ERBIN: variants seen among roughly 807,000 people sequenced by gnomAD.
ERBIN encodes densin-180-like protein.
A neutral mutation model predicts 158.4 loss-of-function variants in ERBIN; 60 were observed. That is an observed-to-expected ratio of 0.38 (90% confidence interval 0.31 to 0.47). The LOEUF is 0.47. Among genes scored for constraint, ERBIN ranks in the 20% least tolerant of loss-of-function variants. The pLI is 0.99. For synonymous variants in ERBIN, 594 were observed against 557.2 expected, an observed-to-expected ratio of 1.07 and a Z score of -0.93; for missense variants, 1,610 against 1,648.0, an observed-to-expected ratio of 0.98 and a Z score of 0.40.
intron 1 of ERBIN, among the ~76,000 whole-genome samples, chr5:65,964,593 C>CTG (rs1240007806): frequency 6.6e-5 from 10 of 152,140 alleles, no homozygotes; most frequent in Non-Finnish European, 1.3e-4. Flanking sequence ...CAAACATGGG[C>CTG]TGTGTATAAT....
At chr5:66,016,362 A>G (rs1561376583) in intron 7 of ERBIN, among the ~76,000 whole-genome samples, 2 of 152,164 alleles carry the variant, frequency 1.3e-5, no homozygotes. Context: ...ACTGATTTTA[A>G]CACCTTTTAG....
At chr5:66,068,340 A>AT (rs1270391899) in intron 21 of ERBIN, among the ~76,000 whole-genome samples, 3 of 151,424 alleles carry the variant, frequency 2.0e-5, no homozygotes, top group African/African-American at 4.9e-5. Context: ...AAAAAAAAAA[A>AT]TTTTTGAAGT....
chr5:66,049,840 A>G (rs1456301007), intron 19 of ERBIN, among the ~76,000 whole-genome samples: 2 of 152,120 alleles, frequency 1.3e-5, no homozygotes, highest in African/African-American at 2.4e-5. Flanking sequence ...TATACTACCT[A>G]TTATAGAATA....
chr5:66,047,457 A>G (rs975001170), intron 18 of ERBIN, among the ~76,000 whole-genome samples: 11 of 151,666 alleles, frequency 7.3e-5, no homozygotes, highest in African/African-American at 2.2e-4. Flanking sequence ...TTTTGTGTGG[A>G]TATATATTTT....
chr5:66,012,160 G>C, intron 5 of ERBIN, 33 bp downstream of exon 5: 1 of 1,405,958 alleles, frequency 7.1e-7, no homozygotes, highest in Non-Finnish European at 9.8e-7. Context: ...AATTACTTTT[G>C]TGAATAAAAC....
chr5:65,935,292 A>C (rs762679842), intron 1 of ERBIN, among the ~76,000 whole-genome samples: 15 of 152,168 alleles, frequency 9.9e-5, no homozygotes, highest in Admixed American at 2.0e-4. Context: ...TAAATCGAGG[A>C]GCATCTGCAT....
intron 4 of ERBIN, among the ~76,000 whole-genome samples, chr5:66,004,195 C>G (rs1431754327): frequency 2.0e-5 from 3 of 151,382 alleles, no homozygotes; most frequent in Non-Finnish European, 4.4e-5. Flanking sequence ...CTCCGAATAC[C>G]TTGGCCTCCC....
At chr5:66,000,547 C>G (rs934532640) in intron 4 of ERBIN, among the ~76,000 whole-genome samples, 1 of 152,066 alleles carries the variant, frequency 6.6e-6, no homozygotes, top group Non-Finnish European at 1.5e-5. Context: ...TTTATGTGAT[C>G]AAAAGATTTA....
rs116458506 is a variant in ERBIN, at chr5:66,028,169, G to A, written c.1137-105G>A. ...CGATTTTTTTTTCTCCTATTTTCAT[G>A]TGCAACTATATAGCATTTTTCAGAA... On this transcript the variant is annotated intron_variant, in intron 13 of 25. Transcript: ENST00000284037. 1,412 of 651,750 alleles carry A rather than the reference G, an allele frequency of 2.2e-3. 16 individuals are homozygous for A. The African/African-American group carries it at 0.024, about 11-fold the overall frequency. 40.4% of individuals were successfully genotyped at this position (651,750 alleles called of 1,614,324 possible).
intron 22 of ERBIN, among the ~76,000 whole-genome samples, chr5:66,074,649 G>T (rs1189899190): frequency 6.6e-6 from 1 of 152,060 alleles, no homozygotes; most frequent in Non-Finnish European, 1.5e-5. Context: ...TCATAGACTG[G>T]CTTAAATTTT....
At position 66,040,627 on chromosome 5, in the gene ERBIN, A is replaced by T. The variant is rs71632553; in HGVS notation, c.1306+2145A>T. 6.3e-3 allele frequency among the ~76,000 whole-genome samples: 953 copies of T among 152,088 alleles called. 10 individuals are homozygous for T. The highest frequency in any genetic ancestry group is 0.015 in the Admixed American group (225 of 15,262). On this transcript the variant is annotated intron_variant, in intron 15 of 25. Transcript: ENST00000284037. ...AAGGTGAATGAATTTCCTTTCACCT[A>T]TAAGAAAGGCTTTTGTCTTTATCCC...
At chr5:65,999,070 A>G (rs1401408385) in intron 4 of ERBIN, among the ~76,000 whole-genome samples, 1 of 152,028 alleles carries the variant, frequency 6.6e-6, no homozygotes, top group Non-Finnish European at 1.5e-5. Flanking sequence ...ATCATTGCTT[A>G]TATAAAATGT....
intron 15 of ERBIN, among the ~76,000 whole-genome samples, chr5:66,042,654 A>G (rs10073846): frequency 0.058 from 8,762 of 152,114 alleles, 882 homozygotes; most frequent in African/African-American, 0.2. Context: ...AATTTCCATT[A>G]TTTTTACATT....
In ERBIN at chr5:66,054,775, C is replaced by T. The variant is rs369314970; in HGVS notation, c.3457C>T (p.Pro1153Ser). 29 of 1,614,022 alleles carry T rather than the reference C, an allele frequency of 1.8e-5. No individual in the cohort carries two copies. The highest frequency in any genetic ancestry group is 2.5e-5 in the Non-Finnish European group (29 of 1,179,976). Residue 1153 changes from proline to serine, a missense_variant, in exon 21 of 26, where the codon CCA becomes TCA. By Grantham distance (74) the Pro-to-Ser change is moderately conservative (BLOSUM62 -1). Around this residue, in one of 2 missense-constraint regions of ERBIN, gnomAD observed 1,014 missense variants for 936.1 expected, o/e 1.08. Transcript: ENST00000284037. ...TGCTCGACCCTCTATTAATGAAATA[C>T]CAGAGAGAACTATGTCAGTTAGTGA... ...QSARPSINEI[P>S]ERTMSVSDFN...
At position 66,012,032 on chromosome 5, in the gene ERBIN, CGTT is replaced by C. The variant is rs1561370864; in HGVS notation, c.308-13_308-11del. 6.7e-7 allele frequency: 1 copy of C among 1,493,696 alleles called. No homozygotes were observed. The allele number at this position is 1,493,696 out of a possible 1,614,324, so 92.5% of individuals were successfully genotyped here. The stretch of plus-strand genomic sequence containing the variant: ...TTTGTAATAGATCTTTTAATTTGAT[CGTT>C]GTTTGTTTTCTAGGAATACAGGAGT... On this transcript the variant is annotated splice_polypyrimidine_tract_variant and intron_variant, in intron 4 of 25. Coordinates refer to ENST00000284037, the MANE Select transcript of ERBIN (RefSeq NM_001253697.2).
chr5:65,932,098 G>A (rs777428442), intron 1 of ERBIN, among the ~76,000 whole-genome samples: 2 of 151,892 alleles, frequency 1.3e-5, no homozygotes, highest in Admixed American at 6.6e-5. Flanking sequence ...GATTACAGGC[G>A]TGAGCCACCG....
chr5:66,044,375 T>G, intron 17 of ERBIN, 65 bp downstream of exon 17: 1 of 1,429,862 alleles, frequency 7.0e-7, no homozygotes, highest in South Asian at 1.4e-5. Context: ...TGACAGTTGA[T>G]ATAGTGCCCC....
chr5:65,998,882 A>AAG (rs1752723998), intron 4 of ERBIN, among the ~76,000 whole-genome samples: 1 of 135,742 alleles, frequency 7.4e-6, no homozygotes, highest in Non-Finnish European at 1.6e-5. Context: ...AAAATAGAGC[A>AAG]AGACCCTGTC....
At chr5:66,013,705 G>C in intron 6 of ERBIN, 67 bp downstream of exon 6, 1 of 1,013,976 alleles carries the variant, frequency 9.9e-7, no homozygotes, top group Non-Finnish European at 1.6e-6. Context: ...ACTATAAGCT[G>C]CTTTGGTAGT....
Sources: gnomAD v4.1 joint callset for allele counts (sites outside exome capture counted in the v4.1 genomes callset) on GRCh38, gnomAD v4.1.1 for gene constraint, gnomAD v4.1.1 regional missense constraint, MANE v1.5 for transcripts, NCBI Gene and HGNC (gene_info 2026-07-23, HGNC 2026-07-21) for gene names.